The following CFAP74 variants were observed in gnomAD, a reference collection of about 807,000 sequenced individuals.
The protein encoded by CFAP74 is cilia and flagella associated protein 74.
Under a neutral mutation model 188.9 loss-of-function variants are expected in CFAP74, and 124 were observed. That is an observed-to-expected ratio of 0.66 (90% CI 0.57 to 0.76). The LOEUF (loss-of-function observed/expected upper bound fraction) is 0.76. CFAP74 is among the 30% of genes least tolerant of loss of function. CFAP74 has a pLI of 0.00. For synonymous variants in CFAP74, 956 were observed against 916.7 expected, an observed-to-expected ratio of 1.04 and a Z score of -0.77; for missense variants, 2,198 against 2,165.2, an observed-to-expected ratio of 1.02 and a Z score of -0.30.
intron 6 of CFAP74, among the ~76,000 whole-genome samples, chr1:1,980,953 G>A (rs35209771): frequency 0.3 from 45,974 of 152,112 alleles, 7,221 homozygotes; most frequent in Non-Finnish European, 0.34. Flanking sequence ...GCAGGGACAC[G>A]TGCTGGGGAA....
intron 6 of CFAP74, among the ~76,000 whole-genome samples, chr1:1,976,762 C>T (rs1313525761): frequency 6.6e-6 from 1 of 152,058 alleles, no homozygotes; most frequent in Non-Finnish European, 1.5e-5. Context: ...GGGCTGGTCT[C>T]AAACTCCTGA....
chr1:1,941,223 T>C (rs1295703233), intron 22 of CFAP74, among the ~76,000 whole-genome samples: 1 of 152,204 alleles, frequency 6.6e-6, no homozygotes, highest in African/African-American at 2.4e-5. Context: ...AAGCAGCCGA[T>C]TTTAAGCTCA....
At chr1:1,927,277 C>T (rs1034382419) in intron 28 of CFAP74, 1 of 588,412 alleles carries the variant, frequency 1.7e-6, no homozygotes, top group Non-Finnish European at 3.0e-6. Context: ...TGGCCCCTGG[C>T]TAGAGAGCCA....
intron 9 of CFAP74, 145 bp from the exon 10 acceptor site, chr1:1,970,961 A>C (rs973974777): frequency 8.4e-6 from 8 of 953,494 alleles, no homozygotes; most frequent in African/African-American, 5.0e-5. Flanking sequence ...ACATGCACAC[A>C]TCACACATGC....
At chr1:1,940,721 T>G (rs1653310165) in intron 22 of CFAP74, among the ~76,000 whole-genome samples, 1 of 152,248 alleles carries the variant, frequency 6.6e-6, no homozygotes, top group Non-Finnish European at 1.5e-5. Flanking sequence ...AATATGGAGT[T>G]TGCATCGTAA....
rs1321864398 is a variant in CFAP74, at chr1:1,924,515, C to G, written c.4110G>C (p.Gln1370His). The G allele has an allele frequency of 6.2e-7, 1 of 1,606,080 alleles. No homozygotes were observed. Among genetic ancestry groups the G allele is most frequent in the East Asian group, 2.3e-5 (1 of 44,410 alleles). ...ACTTGATGGGGAGCAGAGAGTTGTT[C>G]TGCAGCTGCAGAGAGCAGGCCGCGG... ...GESVSSGFKL[Q>H]NNSLLPIKFS... Residue 1370 changes from glutamine (Q) to histidine (H), a missense_variant, in exon 34 of 39, where the codon CAG becomes CAC. Gln to His is a conservative substitution (Grantham distance 24). Transcript: ENST00000682832.
chr1:1,934,021 A>G (rs1363176464), intron 25 of CFAP74, among the ~76,000 whole-genome samples: 1 of 152,206 alleles, frequency 6.6e-6, no homozygotes, highest in East Asian at 1.9e-4. Flanking sequence ...TCACAAAAAT[A>G]CCCAGGCTGA....
chr1:1,985,293 AC>A (rs966645459), intron 6 of CFAP74, 92 bp downstream of exon 6: 7 of 1,100,236 alleles, frequency 6.4e-6, no homozygotes, highest in Admixed American at 1.8e-5. Flanking sequence ...CAGGTGCAAA[AC>A]CCCCCAGATC....
At position 1,988,941 on chromosome 1, in the gene CFAP74, T is replaced by C. The variant is rs754661780; in HGVS notation, c.100A>G (p.Ile34Val). 6.3e-7 allele frequency: 1 copy of C among 1,583,610 alleles called. No homozygotes were observed. The highest frequency in any genetic ancestry group is 1.1e-5 in the South Asian group (1 of 90,504). Residue 34 changes from isoleucine (I) to valine (V), a missense_variant, in exon 3 of 39, where the codon ATC becomes GTC. Ile to Val is a conservative substitution (Grantham distance 29, BLOSUM62 3). Coordinates refer to ENST00000682832, the MANE Select transcript of CFAP74 (RefSeq NM_001304360.2). Reference protein sequence around the residue: ...RDELEDPEFDIKCLLQEAEDD... With the variant: ...RDELEDPEFDVKCLLQEAEDD... ...TCAGCTTCCTGTAGAAGACATTTGA[T>C]GTCAAACTCCGGATCCTCTAATTCA...
rs113682810 is a variant in CFAP74 at position 1,954,913 on chromosome 1, C to T, written c.2176+778G>A. 0.014 allele frequency: 16,338 copies of T among 1,184,378 alleles called. 1,578 individuals carry two copies. In the African/African-American group the frequency reaches 0.21, roughly 16 times the overall value. 73.4% of individuals were successfully genotyped at this position (1,184,378 alleles called of 1,614,324 possible). On this transcript the variant is annotated intron_variant, in intron 18 of 38. Coordinates refer to ENST00000682832, the MANE Select transcript of CFAP74 (RefSeq NM_001304360.2). ...CCAAGGGGCAGTGCAGAACGGCCTT[C>T]GCAACAGTGTGTACCACGAACGCTC...
intron 18 of CFAP74, among the ~76,000 whole-genome samples, chr1:1,952,353 A>T (rs1027183451): frequency 3.2e-5 from 4 of 124,782 alleles, no homozygotes; most frequent in Admixed American, 7.3e-5. Flanking sequence ...GTATAAAATT[A>T]AAAAAAAAAA....
intron 18 of CFAP74, among the ~76,000 whole-genome samples, chr1:1,949,872 G>A (rs1450741807): frequency 1.3e-5 from 2 of 152,196 alleles, no homozygotes; most frequent in South Asian, 2.1e-4. Flanking sequence ...TTTGCTGCTC[G>A]GCAGTGCTGT....
Position 1,947,017 on chromosome 1 carries a change from T to G in CFAP74, c.2214A>C (p.Glu738Asp), listed in dbSNP as rs1653820068. Reference sequence around the variant, plus strand: ...CCCCCAGCGTGATCTCCGTCTGCTCTTCGCTGGGAGGTATCACTGTGGTTA... The same window carrying G: ...CCCCCAGCGTGATCTCCGTCTGCTCGTCGCTGGGAGGTATCACTGTGGTTA... ...ERLTTVIPPS[E>D]EQTEITLGEV... is the part of the protein sequence containing the mutation. Residue 738 changes from glutamate (E) to aspartate (D), a missense_variant, in exon 19 of 39, where the codon GAA (glutamate) becomes GAC (aspartate). Transcript: ENST00000682832. The G allele has an allele frequency of 6.5e-7, 1 of 1,536,086 alleles. No individual in the cohort carries two copies. The highest frequency in any genetic ancestry group is 8.7e-7 in the Non-Finnish European group (1 of 1,146,832).
chr1:1,964,814 G>C (rs945753275), intron 13 of CFAP74, 74 bp downstream of exon 13: 8 of 1,547,084 alleles, frequency 5.2e-6, no homozygotes, highest in Non-Finnish European at 7.1e-6. Context: ...GGTGTCAGGG[G>C]TTGGGCTGCG....
rs558439121 is a variant in CFAP74 at position 1,971,305 on chromosome 1, A to T, written c.889-489T>A. 1.2e-3 allele frequency among the ~76,000 whole-genome samples: 168 copies of T among 145,776 alleles called. 1 individual carries two copies. The highest frequency in any genetic ancestry group is 2.2e-3 in the Non-Finnish European group (144 of 66,720). ...CACACGTGCACATACACGCTCACAC[A>T]TGCACACCTGCAGACACTTGCACAC... On this transcript the variant is annotated intron_variant, in intron 9 of 38. Coordinates refer to ENST00000682832, the MANE Select transcript of CFAP74 (RefSeq NM_001304360.2).
Position 1,926,893 on chromosome 1 carries a change from C to T in CFAP74, c.3662+1G>A. ...CCTGTTCTGGCCAGAGCACCCCGCA[C>T]CTGAAGCTCAGGGGTTCTGACCCCT... On this transcript the variant is annotated splice_donor_variant, in intron 29 of 38. Coordinates refer to ENST00000682832, the MANE Select transcript of CFAP74 (RefSeq NM_001304360.2). LOFTEE classifies it high-confidence loss of function. 6.5e-7 allele frequency: 1 copy of T among 1,549,966 alleles called. No individual in the cohort carries two copies. Among genetic ancestry groups the T allele is most frequent in the Non-Finnish European group, 8.7e-7 (1 of 1,146,726 alleles).
intron 26 of CFAP74, among the ~76,000 whole-genome samples, chr1:1,929,423 C>T (rs111737775): frequency 2.3e-4 from 2 of 8,530 alleles, no homozygotes; most frequent in Admixed American, 2.8e-3. Context: ...AGGGAGGGAG[C>T]GAGGGGAGAG....
At chr1:1,986,623 C>G (rs372624832) in intron 5 of CFAP74, among the ~76,000 whole-genome samples, 1 of 152,184 alleles carries the variant, frequency 6.6e-6, no homozygotes, top group Non-Finnish European at 1.5e-5. Context: ...GAGTGTGGGA[C>G]GCATGCAGGC....
intron 6 of CFAP74, among the ~76,000 whole-genome samples, chr1:1,976,677 G>A (rs1290261026): frequency 2.0e-5 from 3 of 152,100 alleles, no homozygotes; most frequent in Non-Finnish European, 4.4e-5. Flanking sequence ...TGAATAGCTG[G>A]GATTACAGGC....
Sources: gnomAD v4.1 joint callset for allele counts (sites outside exome capture counted in the v4.1 genomes callset) on GRCh38, gnomAD v4.1.1 for gene constraint, MANE v1.5 for transcripts, NCBI Gene and HGNC (gene_info 2026-07-23, HGNC 2026-07-21) for gene names.